Variants in CNTN5 observed in about 807,000 individuals in gnomAD.
The protein encoded by CNTN5 is contactin-5.
Under a neutral mutation model 129.1 loss-of-function variants are expected in CNTN5, and 77 were observed. The ratio of observed to expected loss-of-function variants is 0.60; its 90% CI spans 0.50 to 0.72. CNTN5 has a LOEUF of 0.72. Among genes scored for constraint, CNTN5 ranks in the 30% least tolerant of loss-of-function variants. The pLI, the probability that CNTN5 is intolerant of heterozygous loss-of-function variation, is 0.00. For synonymous variants in CNTN5, 509 were observed against 465.6 expected (o/e 1.09, Z -1.20); for missense variants, 1,478 against 1,328.8 (o/e 1.11, Z -1.75).
chr11:99,518,909 T>C lies in CNTN5; in HGVS notation c.-70-37236T>C, dbSNP rs1947163828. ...TAGCCTCCTAATTTATAACTAATTG[T>C]ATTAAATGCATCCATTCTGCTAAGC... On this transcript the variant is annotated intron_variant, in intron 2 of 24. Transcript: ENST00000524871. Among the ~76,000 whole-genome samples the C allele has an allele frequency of 3.3e-5, 5 of 152,106 alleles. No individual in the cohort carries two copies. In the South Asian group the frequency reaches 1.0e-3, roughly 31 times the overall value.
At chr11:99,744,008 A>C (rs1591078362) in intron 3 of CNTN5, among the ~76,000 whole-genome samples, 1 of 152,182 alleles carries the variant, frequency 6.6e-6, no homozygotes, top group Non-Finnish European at 1.5e-5. Context: ...CATCAAAACC[A>C]GTATGCAATG....
chr11:100,067,699 T>C (rs1166528109), intron 10 of CNTN5, among the ~76,000 whole-genome samples: 1 of 152,088 alleles, frequency 6.6e-6, no homozygotes, highest in Non-Finnish European at 1.5e-5. Context: ...ACTTGTAGAA[T>C]TCTTGGTAGA....
At chr11:99,823,211 C>T (rs954672503) in intron 4 of CNTN5, among the ~76,000 whole-genome samples, 4 of 152,190 alleles carry the variant, frequency 2.6e-5, no homozygotes, top group African/African-American at 7.2e-5. Context: ...AATCTTTGTT[C>T]ATTTTCTGGG....
intron 8 of CNTN5, among the ~76,000 whole-genome samples, chr11:99,963,371 A>G (rs1951003670): frequency 1.3e-5 from 2 of 152,150 alleles, no homozygotes; most frequent in African/African-American, 4.8e-5. Flanking sequence ...TCAGCTTTCT[A>G]CATATGGCTA....
At chr11:99,316,031 G>A (rs183132741) in intron 1 of CNTN5, among the ~76,000 whole-genome samples, 51 of 152,218 alleles carry the variant, frequency 3.4e-4, no homozygotes, top group Non-Finnish European at 5.0e-4. Context: ...CCTGGTAGTT[G>A]TTCTTTAATT....
chr11:99,934,364 T>C (rs185020893), intron 7 of CNTN5, among the ~76,000 whole-genome samples: 52 of 152,188 alleles, frequency 3.4e-4, no homozygotes, highest in Non-Finnish European at 6.8e-4. Flanking sequence ...CAGCCACATA[T>C]ATTAATACAC....
At chr11:99,910,184 A>G (rs188266228) in intron 6 of CNTN5, among the ~76,000 whole-genome samples, 48 of 152,168 alleles carry the variant, frequency 3.2e-4, no homozygotes, top group African/African-American at 1.1e-3. Context: ...TCAGTGTCCT[A>G]ATCATAAATG....
intron 2 of CNTN5, among the ~76,000 whole-genome samples, chr11:99,460,765 C>T (rs1003024755): frequency 2.0e-5 from 3 of 151,960 alleles, no homozygotes; most frequent in African/African-American, 7.2e-5. Flanking sequence ...AAGTCGAATT[C>T]TCGTACCTTG....
intron 8 of CNTN5, among the ~76,000 whole-genome samples, chr11:99,980,316 C>T (rs974917751): frequency 2.0e-5 from 3 of 152,218 alleles, no homozygotes; most frequent in East Asian, 1.9e-4. Flanking sequence ...TTGCTTGCTT[C>T]CTCAAACCTT....
intron 13 of CNTN5, among the ~76,000 whole-genome samples, chr11:100,104,949 T>C (rs1401744072): frequency 6.6e-6 from 1 of 152,142 alleles, no homozygotes; most frequent in African/African-American, 2.4e-5. Context: ...TCAACTAGCA[T>C]GAGAGAGGCT....
intron 1 of CNTN5, among the ~76,000 whole-genome samples, chr11:99,218,651 A>C (rs1860249196): frequency 6.6e-6 from 1 of 152,112 alleles, no homozygotes; most frequent in African/African-American, 2.4e-5. Flanking sequence ...TTTTGGGATA[A>C]AGATAGCTAG....
chr11:100,012,422 A>T (rs17094101), intron 9 of CNTN5, among the ~76,000 whole-genome samples: 35,262 of 151,966 alleles, frequency 0.23, 4,591 homozygotes, highest in East Asian at 0.47. Context: ...ACATTCTTTC[A>T]TAGGGCAAAC....
At chr11:100,322,795 C>T (rs1379449800) in intron 21 of CNTN5, among the ~76,000 whole-genome samples, 1 of 151,882 alleles carries the variant, frequency 6.6e-6, no homozygotes, top group Non-Finnish European at 1.5e-5. Context: ...TATTTGGTGC[C>T]ATTTTAACTT....
chr11:99,517,637 C>T (rs779914197), intron 2 of CNTN5, among the ~76,000 whole-genome samples: 36 of 152,160 alleles, frequency 2.4e-4, no homozygotes, highest in Non-Finnish European at 4.6e-4. Flanking sequence ...GACTTGAGCT[C>T]ACCACGCCCC....
intron 16 of CNTN5, among the ~76,000 whole-genome samples, chr11:100,240,010 T>C (rs1292890316): frequency 6.6e-6 from 1 of 152,242 alleles, no homozygotes; most frequent in East Asian, 1.9e-4. Context: ...TTGAAATACT[T>C]AATCACTGTT....
rs564571813 is a variant in CNTN5, at chr11:99,698,622, C to A, written c.56-120922C>A. Reference sequence around the variant, plus strand: ...ATATTTCCTATACCAACTGTTCCAACTTTTGAACACATTGTTTCAGTAATT... The same window carrying A: ...ATATTTCCTATACCAACTGTTCCAAATTTTGAACACATTGTTTCAGTAATT... On this transcript the variant is annotated intron_variant, in intron 3 of 24. Coordinates refer to ENST00000524871, the MANE Select transcript of CNTN5 (RefSeq NM_014361.4). Among the ~76,000 whole-genome samples, 1,379 of 151,610 alleles carry A rather than the reference C, an allele frequency of 9.1e-3. 18 individuals carry two copies. Among genetic ancestry groups the A allele is most frequent in the Non-Finnish European group, 0.013 (856 of 67,608 alleles).
At chr11:99,509,994 C>T (rs1217469849) in intron 2 of CNTN5, among the ~76,000 whole-genome samples, 2 of 151,304 alleles carry the variant, frequency 1.3e-5, no homozygotes, top group East Asian at 1.9e-4. Flanking sequence ...CTCTCTTTGC[C>T]TCAATTTTAA....
intron 3 of CNTN5, among the ~76,000 whole-genome samples, chr11:99,684,968 A>G (rs1565425086): frequency 6.6e-6 from 1 of 150,970 alleles, no homozygotes; most frequent in East Asian, 1.9e-4. Context: ...CTTATTTTTT[A>G]TTTTTTAGTT....
intron 8 of CNTN5, 79 bp from the exon 9 acceptor site, chr11:100,001,955 T>G: frequency 9.7e-7 from 1 of 1,028,836 alleles, no homozygotes; most frequent in Non-Finnish European, 1.4e-6. Context: ...CCACAGTGAT[T>G]TTCAATGTAA....
Sources: allele counts gnomAD v4.1 joint callset (sites outside exome capture counted in the v4.1 genomes callset), GRCh38; gene constraint gnomAD v4.1.1; transcripts MANE v1.5; gene names NCBI Gene and HGNC (gene_info 2026-07-23, HGNC 2026-07-21).